Variants in NUP214 observed in about 807,000 individuals in gnomAD.
NUP214 encodes nuclear pore complex protein Nup214.
In NUP214, 79 loss-of-function variants were observed where a neutral mutation model predicts 196.2. The ratio of observed to expected loss-of-function variants is 0.40; its 90% CI spans 0.34 to 0.49. NUP214 has a LOEUF of 0.49. Ranked by LOEUF, NUP214 falls within the 20% of genes least tolerant of loss-of-function variation. The pLI, the probability that NUP214 is intolerant of heterozygous loss-of-function variation, is 0.58. For synonymous variants in NUP214, 1,020 were observed against 990.5 expected (o/e 1.03, Z -0.56); for missense variants, 2,468 against 2,539.0 (o/e 0.97, Z 0.60).
intron 21 of NUP214, chr9:131,164,370 G>A (rs754244772): frequency 1.1e-5 from 6 of 538,546 alleles, no homozygotes; most frequent in Non-Finnish European, 1.7e-5. Flanking sequence ...TGATGAAGCA[G>A]CAAAGTAGTC....
Position 131,146,307 on chromosome 9 carries a change from A to T in NUP214, c.1945+3A>T. ...CTCAGTCTTGCCCTCACCATCAGGT[A>T]TGATTTTAAGCAGACAACTTTAGAC... On this transcript the variant is annotated splice_donor_region_variant and intron_variant, in intron 13 of 35. Coordinates refer to ENST00000359428, the MANE Select transcript of NUP214 (RefSeq NM_005085.4). This position sits in a 1 kb window ranked among gnomAD's most constrained non-coding sequence, Gnocchi z 4.6. 1.2e-6 allele frequency: 2 copies of T among 1,614,044 alleles called. No homozygotes were observed. The highest frequency in any genetic ancestry group is 1.7e-6 in the Non-Finnish European group (2 of 1,179,876).
intron 11 of NUP214, among the ~76,000 whole-genome samples, chr9:131,142,081 A>G (rs538109675): frequency 6.6e-6 from 1 of 152,202 alleles, no homozygotes; most frequent in South Asian, 2.1e-4. Context: ...TGGCTTGCAG[A>G]GTGTTGTATC....
At position 131,144,500 on chromosome 9, in the gene NUP214, C is replaced by T. The variant is rs943434779; in HGVS notation, c.1515C>T (p.Gly505=). The part of the protein sequence containing the change: ...VTGEPPSYSS[G]SDSSKAAPGP... ...GGGAGCCCCCTTCATATTCCAGTGG[C>T]TCCGACAGCTCCAAAGCAGCCCCAG... The change falls in exon 12 of 36, where the codon GGC becomes GGT. Residue 505 remains glycine, a synonymous_variant. Coordinates refer to ENST00000359428, the MANE Select transcript of NUP214 (RefSeq NM_005085.4). 6 of 1,614,178 alleles carry T rather than the reference C, an allele frequency of 3.7e-6. No individual in the cohort carries two copies. Among genetic ancestry groups the T allele is most frequent in the South Asian group, 2.2e-5 (2 of 91,074 alleles).
chr9:131,143,472 A>G (rs1329376126), intron 11 of NUP214, among the ~76,000 whole-genome samples: 1 of 152,198 alleles, frequency 6.6e-6, no homozygotes, highest in African/African-American at 2.4e-5. Context: ...AAAAAATACT[A>G]GTTACCTACC....
At position 131,197,620 on chromosome 9, in the gene NUP214, G is replaced by GC. The variant is rs780417788; in HGVS notation, c.4133dup (p.Val1379GlyfsTer60). ...CGTGCCCTCAGGGTTTAATTTTACT[G>GC]CCCCCCCGGTGTTAGGGAAGCACAC... On this transcript the variant is annotated frameshift_variant, in exon 29 of 36. Transcript: ENST00000359428. LOFTEE classifies it high-confidence loss of function. 4.7e-5 allele frequency: 76 copies of GC among 1,613,592 alleles called. No homozygotes were observed. Among genetic ancestry groups the GC allele is most frequent in the Admixed American group, 1.2e-4 (7 of 59,960 alleles).
chr9:131,132,324 G>A (rs189459242), intron 5 of NUP214, among the ~76,000 whole-genome samples: 76 of 152,018 alleles, frequency 5.0e-4, no homozygotes, highest in African/African-American at 1.8e-3. Flanking sequence ...ATGTTGGCCA[G>A]GCTAGTCTCG....
At chr9:131,149,111 G>A (rs148340889) in intron 14 of NUP214, among the ~76,000 whole-genome samples, 42 of 151,642 alleles carry the variant, frequency 2.8e-4, no homozygotes, top group African/African-American at 8.5e-4. Context: ...GAGAATAAGC[G>A]TTATGTCTTT....
At chr9:131,127,786 C>T (rs575123958) in intron 2 of NUP214, 67 bp downstream of exon 2, 4 of 1,186,590 alleles carry the variant, frequency 3.4e-6, no homozygotes, top group South Asian at 1.4e-5. Flanking sequence ...GTGTTTCCTT[C>T]CCAAGAAGTC....
Position 131,197,861 on chromosome 9 carries a change from C to A in NUP214, c.4367C>A (p.Pro1456Gln), listed in dbSNP as rs1343700218. The change falls in exon 29 of 36, where the codon CCA becomes CAA. Residue 1456 changes from proline (P) to glutamine (Q), a missense_variant. Physicochemically the swap from Pro to Gln is moderately conservative, Grantham distance 76. This residue lies in a region of NUP214 where 1,801 missense variants were observed against 1,779.4 expected (regional missense o/e 1.01). Coordinates refer to ENST00000359428, the MANE Select transcript of NUP214 (RefSeq NM_005085.4). ...TNSTVPPSAP[P>Q]PTTAATPLPT... Reference sequence around the variant, plus strand: ...AGCACAGTGCCCCCATCTGCCCCACCACCAACTACAGCTGCCACTCCCCTT... The same window carrying A: ...AGCACAGTGCCCCCATCTGCCCCACAACCAACTACAGCTGCCACTCCCCTT... 2 of 1,613,556 alleles carry A rather than the reference C, an allele frequency of 1.2e-6. No homozygotes were observed. The highest frequency in any genetic ancestry group is 1.1e-5 in the South Asian group (1 of 91,080).
At chr9:131,213,366 G>T (rs1399518119) in intron 30 of NUP214, among the ~76,000 whole-genome samples, 3 of 151,956 alleles carry the variant, frequency 2.0e-5, no homozygotes, top group South Asian at 2.1e-4. Context: ...GTAGAGACAG[G>T]GTTTCTCCAT....
In NUP214 at chr9:131,125,846, C is replaced by T. The variant is rs1831330842; in HGVS notation, c.45+97C>T. On this transcript the variant is annotated intron_variant, in intron 1 of 35. Transcript: ENST00000359428. This position sits in a 1 kb window ranked among gnomAD's most constrained non-coding sequence, Gnocchi z 4.1. ...AGCGCGGTGCTGGCTGTCCCGCCTC[C>T]TGCTTGAACAGTTTACCGCGTTCAC... 2.1e-6 allele frequency: 3 copies of T among 1,395,824 alleles called. No individual in the cohort carries two copies. The highest frequency in any genetic ancestry group is 3.0e-6 in the Non-Finnish European group (3 of 1,015,560). The allele number at this position is 1,395,824 out of a possible 1,614,324, so 86.5% of individuals were successfully genotyped here. A position where few individuals can be genotyped will look rare whatever the true frequency, so the allele number is the denominator to read the frequency against.
intron 21 of NUP214, 77 bp from the exon 22 acceptor site, chr9:131,173,978 T>A (rs79452228): frequency 1.2e-5 from 18 of 1,483,004 alleles, no homozygotes; most frequent in Admixed American, 1.1e-4. Context: ...TTTTTTTTTT[T>A]ATCAACAGTG....
chr9:131,132,585 A>G lies in NUP214; in HGVS notation c.664-11A>G, dbSNP rs748552430. The G allele has an allele frequency of 1.2e-6, 2 of 1,612,076 alleles. No individual in the cohort carries two copies. The highest frequency in any genetic ancestry group is 3.3e-5 in the Admixed American group (2 of 59,962). On this transcript the variant is annotated splice_polypyrimidine_tract_variant and intron_variant, in intron 5 of 35. Coordinates refer to ENST00000359428, the MANE Select transcript of NUP214 (RefSeq NM_005085.4). ...TTTGATACTTTATTTTCCCCTCCAA[A>G]TCTCTTTCAGACTTTGCAGGAAAAA...
rs769280562 is a variant in NUP214, at chr9:131,198,057, A to G, written c.4563A>G (p.Gln1521=). Residue 1521 remains glutamine, a synonymous_variant, in exon 29 of 36, where the codon CAA becomes CAG. Transcript: ENST00000359428. ...CAGCAGCCTCACTTCTAGAGGAGCA[A>G]CAGTCAGCCCAGCTTCCCCAGGCTC... ...SASAASLLEE[Q]QSAQLPQAPP... is the part of the protein sequence containing the mutation. 3.1e-6 allele frequency: 5 copies of G among 1,614,246 alleles called. No homozygotes were observed. The highest frequency in any genetic ancestry group is 2.2e-5 in the East Asian group (1 of 44,890).
At position 131,164,054 on chromosome 9, in the gene NUP214, C is replaced by T. The variant is rs1443506585; in HGVS notation, c.2810-7C>T. Reference sequence around the variant, plus strand: ...TAATCATTTATGGGTTTATGGATTTCTTGCAGCCAAACTGTCCCCCATGAA... The same window carrying T: ...TAATCATTTATGGGTTTATGGATTTTTTGCAGCCAAACTGTCCCCCATGAA... On this transcript the variant is annotated splice_polypyrimidine_tract_variant and splice_region_variant and intron_variant, in intron 20 of 35. Transcript: ENST00000359428. The T allele has an allele frequency of 3.7e-6, 6 of 1,614,128 alleles. No individual in the cohort carries two copies. The South Asian group carries it at 6.6e-5, about 18-fold the overall frequency.
intron 35 of NUP214, 132 bp from the exon 36 acceptor site, chr9:131,233,322 T>G: frequency 2.8e-5 from 24 of 848,442 alleles, no homozygotes; most frequent in South Asian, 4.1e-5. Flanking sequence ...GGCAATAGAG[T>G]GAGACTCTGT....
intron 7 of NUP214, among the ~76,000 whole-genome samples, chr9:131,134,650 A>G (rs1371269960): frequency 2.0e-5 from 3 of 152,178 alleles, no homozygotes; most frequent in Admixed American, 2.0e-4. Context: ...ACTAAGTATC[A>G]GGAAGGTTGA....
At chr9:131,219,611 T>C (rs750615888) in intron 31 of NUP214, among the ~76,000 whole-genome samples, 6 of 152,210 alleles carry the variant, frequency 3.9e-5, no homozygotes, top group Non-Finnish European at 8.8e-5. Flanking sequence ...TGGGAACCCA[T>C]GGAGACATCT....
rs1291092751 is a variant in NUP214, at chr9:131,198,304, G to A, written c.4810G>A (p.Ala1604Thr). 1.2e-6 allele frequency: 2 copies of A among 1,614,210 alleles called. No homozygotes were observed. Residue 1604 changes from alanine to threonine, a missense_variant, in exon 29 of 36, where the codon GCA becomes ACA. By Grantham distance (58) the Ala-to-Thr change is moderately conservative. Transcript: ENST00000359428. ...TGTCACAGCAGCTGCTATCTCAAGT[G>A]CAGGCCCTGTGGCCGTCGAAACATC... is the stretch of plus-strand genomic sequence containing the variant. ...TAVTAAAISS[A>T]GPVAVETSST...
Sources: allele counts gnomAD v4.1 joint callset (sites outside exome capture counted in the v4.1 genomes callset), GRCh38; gene constraint gnomAD v4.1.1; regional missense constraint gnomAD v4.1.1; non-coding constraint Gnocchi (gnomAD v3.1); transcripts MANE v1.5; gene names NCBI Gene and HGNC (gene_info 2026-07-23, HGNC 2026-07-21).